The following ERBB4 variants were observed in gnomAD, a reference collection of about 807,000 sequenced individuals.
ERBB4 encodes the protein erb-b2 receptor tyrosine kinase 4, also known as receptor tyrosine-protein kinase erbB-4.
Under a neutral mutation model 158.0 loss-of-function variants are expected in ERBB4, and 42 were observed. The observed-to-expected ratio is 0.27, with a 90% CI of 0.21 to 0.34. ERBB4 has a LOEUF of 0.34. Among genes scored for constraint, ERBB4 ranks in the 10% least tolerant of loss-of-function variants. The pLI is 1.00. For synonymous variants in ERBB4, 583 were observed against 558.7 expected, an observed-to-expected ratio of 1.04 and a Z score of -0.61; for missense variants, 1,333 against 1,624.1, an observed-to-expected ratio of 0.82 and a Z score of 3.08.
chr2:211,682,881 T>C (rs113063760), intron 12 of ERBB4, among the ~76,000 whole-genome samples: 37 of 152,152 alleles, frequency 2.4e-4, no homozygotes, highest in African/African-American at 8.2e-4. Context: ...AATGTAATAA[T>C]TGAAATAATT....
chr2:212,242,723 C>A (rs893923359), intron 1 of ERBB4, among the ~76,000 whole-genome samples: 11 of 151,966 alleles, frequency 7.2e-5, no homozygotes, highest in African/African-American at 1.4e-4. Flanking sequence ...GGTGGCACAG[C>A]AGGTTGTAAA....
At chr2:211,435,895 T>C (rs1328926066) in intron 20 of ERBB4, among the ~76,000 whole-genome samples, 3 of 152,186 alleles carry the variant, frequency 2.0e-5, no homozygotes, top group Admixed American at 2.0e-4. Flanking sequence ...TCTCTCTTAA[T>C]GGGTCACAGG....
intron 3 of ERBB4, among the ~76,000 whole-genome samples, chr2:211,816,959 C>T (rs2076892196): frequency 6.6e-6 from 1 of 152,158 alleles, no homozygotes; most frequent in Non-Finnish European, 1.5e-5. Context: ...TTAAAAAAAT[C>T]CCAGGGCACC....
At chr2:212,011,538 G>A (rs2076387197) in intron 2 of ERBB4, among the ~76,000 whole-genome samples, 1 of 152,028 alleles carries the variant, frequency 6.6e-6, no homozygotes, top group Non-Finnish European at 1.5e-5. Context: ...ATCACCTGAG[G>A]TCATGAGTTC....
At chr2:211,424,840 G>A (rs1250000005) in intron 22 of ERBB4, among the ~76,000 whole-genome samples, 3 of 152,038 alleles carry the variant, frequency 2.0e-5, no homozygotes, top group Non-Finnish European at 2.9e-5. Context: ...GACTTCTTTA[G>A]CACATATGAG....
chr2:211,649,449 T>A (rs559548507), intron 16 of ERBB4, among the ~76,000 whole-genome samples: 2 of 151,990 alleles, frequency 1.3e-5, no homozygotes, highest in South Asian at 4.1e-4. Context: ...GATGTTTTGG[T>A]TTTCCCTTTG....
chr2:211,675,960 C>T (rs1437314978), intron 13 of ERBB4, among the ~76,000 whole-genome samples: 6 of 151,650 alleles, frequency 4.0e-5, no homozygotes, highest in African/African-American at 1.5e-4. Context: ...GTAGAAACTC[C>T]AACAAGATCT....
chr2:211,594,432 C>A (rs1203803080), intron 19 of ERBB4, among the ~76,000 whole-genome samples: 2 of 151,656 alleles, frequency 1.3e-5, no homozygotes, highest in Admixed American at 6.6e-5. Flanking sequence ...GAGCAAGACT[C>A]CATTTCTACA....
intron 3 of ERBB4, among the ~76,000 whole-genome samples, chr2:211,853,516 T>C (rs2077771334): frequency 6.6e-6 from 1 of 152,048 alleles, no homozygotes; most frequent in Admixed American, 6.6e-5. Context: ...CACTAATTAG[T>C]TCTTGATGAC....
At chr2:211,982,920 T>C (rs567249114) in intron 2 of ERBB4, among the ~76,000 whole-genome samples, 10 of 152,272 alleles carry the variant, frequency 6.6e-5, no homozygotes, top group Non-Finnish European at 1.3e-4. Flanking sequence ...TCTATGTATG[T>C]CTATCCTTTA....
At chr2:212,325,270 A>G (rs4146051) in intron 1 of ERBB4, among the ~76,000 whole-genome samples, 134,363 of 150,290 alleles carry the variant, frequency 0.89, 60,781 homozygotes, top group Middle Eastern at 0.97. Context: ...CATAAAACGT[A>G]ATTTGTAGAT....
Position 211,922,393 on chromosome 2 carries a change from T to C in ERBB4, c.421+25037A>G, listed in dbSNP as rs117654759. The stretch of plus-strand genomic sequence containing the variant: ...CTAATATCAAAAGTCTCTCTGAATA[T>C]GTAGGAAAAAAGTCCTAAGTAACAA... On this transcript the variant is annotated intron_variant, in intron 3 of 27. Transcript: ENST00000342788. Among the ~76,000 whole-genome samples, 1,059 of 152,218 alleles carry C rather than the reference T, an allele frequency of 7.0e-3. 32 individuals carry two copies. The East Asian group carries it at 0.077, about 11-fold the overall frequency.
At chr2:211,538,952 G>C (rs1479661839) in intron 20 of ERBB4, among the ~76,000 whole-genome samples, 1 of 151,738 alleles carries the variant, frequency 6.6e-6, no homozygotes, top group Admixed American at 6.6e-5. Context: ...TCCCCATCTT[G>C]ATTATGTGCA....
chr2:212,384,922 C>CATAT (rs2090626916), intron 1 of ERBB4, among the ~76,000 whole-genome samples: 4 of 100,686 alleles, frequency 4.0e-5, no homozygotes, highest in African/African-American at 1.6e-4. Flanking sequence ...TATATATATA[C>CATAT]ACACACACAC....
chr2:211,729,672 A>T (rs1237166434), intron 5 of ERBB4, among the ~76,000 whole-genome samples: 1 of 151,916 alleles, frequency 6.6e-6, no homozygotes, highest in East Asian at 1.9e-4. Context: ...TCATCAAATT[A>T]TACTCATATT....
At chr2:211,562,457 A>G (rs1215047345) in intron 19 of ERBB4, among the ~76,000 whole-genome samples, 1 of 152,154 alleles carries the variant, frequency 6.6e-6, no homozygotes, top group African/African-American at 2.4e-5. Context: ...TGCTCTGGTA[A>G]AATAATGTAT....
At chr2:211,499,775 A>G (rs1421460913) in intron 20 of ERBB4, among the ~76,000 whole-genome samples, 3 of 152,064 alleles carry the variant, frequency 2.0e-5, no homozygotes, top group Non-Finnish European at 4.4e-5. Flanking sequence ...ACCCCCAAAA[A>G]GTTCTATTTC....
chr2:211,960,144 C>G (rs2081142370), intron 2 of ERBB4, among the ~76,000 whole-genome samples: 1 of 151,918 alleles, frequency 6.6e-6, no homozygotes, highest in Admixed American at 6.6e-5. Context: ...AAAGAGAAAC[C>G]AGGAATTCTT....
At chr2:211,534,457 A>G (rs960142158) in intron 20 of ERBB4, among the ~76,000 whole-genome samples, 1 of 152,132 alleles carries the variant, frequency 6.6e-6, no homozygotes. Context: ...ACACAAAATT[A>G]CATAAACCCT....
Sources: allele counts gnomAD v4.1 joint callset (sites outside exome capture counted in the v4.1 genomes callset), GRCh38; gene constraint gnomAD v4.1.1; transcripts MANE v1.5; gene names NCBI Gene and HGNC (gene_info 2026-07-23, HGNC 2026-07-21).